KCNN2: variants seen among roughly 807,000 people sequenced by gnomAD.
KCNN2 encodes the protein potassium calcium-activated channel subfamily N member 2.
Under a neutral mutation model 55.5 loss-of-function variants are expected in KCNN2, and 24 were observed. The observed-to-expected ratio is 0.43, with a 90% CI of 0.31 to 0.61. The LOEUF (loss-of-function observed/expected upper bound fraction) is 0.61. KCNN2 is among the 20% of genes least tolerant of loss of function. KCNN2 has a pLI of 0.08. For missense variants in KCNN2, 754 were observed against 853.6 expected, an observed-to-expected ratio of 0.88 and a Z score of 1.45; for synonymous variants, 431 against 336.1, an observed-to-expected ratio of 1.28 and a Z score of -3.09.
intron 2 of KCNN2, among the ~76,000 whole-genome samples, chr5:114,243,576 TATTTAAGTTAATA>T (rs1754687948): frequency 6.6e-6 from 1 of 152,198 alleles, no homozygotes; most frequent in African/African-American, 2.4e-5. Context: ...AAGTCAACTT[TATTTAAGTTAATA>T]ATGGCCCCAA....
chr5:114,295,666 C>A (rs1485371935), intron 2 of KCNN2, among the ~76,000 whole-genome samples: 2 of 152,128 alleles, frequency 1.3e-5, no homozygotes, highest in Non-Finnish European at 2.9e-5. Context: ...TGAGGCAATG[C>A]CTCACCCTGC....
intron 2 of KCNN2, among the ~76,000 whole-genome samples, chr5:114,315,423 G>C (rs1194267614): frequency 6.1e-5 from 4 of 65,366 alleles, no homozygotes; most frequent in Non-Finnish European, 1.2e-4. Flanking sequence ...GGCAGAAACT[G>C]TGTGTGTGTG....
upstream of KCNN2, among the ~76,000 whole-genome samples, chr5:114,361,808 C>T (rs533688948): frequency 6.6e-5 from 10 of 152,194 alleles, no homozygotes; most frequent in Non-Finnish European, 1.3e-4. Flanking sequence ...CTCTCCATCT[C>T]CACGCAATCA....
At chr5:114,494,538 T>C (rs1748019040) in intron 7 of KCNN2, among the ~76,000 whole-genome samples, 1 of 151,790 alleles carries the variant, frequency 6.6e-6, no homozygotes, top group South Asian at 2.1e-4. Context: ...CTTGGACATA[T>C]GAAAAAAAGA....
Position 114,202,567 on chromosome 5 carries a change from G to GTATA in KCNN2, c.-270-18897_-270-18894dup, listed in dbSNP as rs1314767935. On this transcript the variant is annotated intron_variant, in intron 1 of 10. Coordinates refer to the KCNN2 transcript ENST00000512097. Reference sequence around the variant, plus strand: ...ATACATGCCTAATATATATGTGTGTGTATATATATATATATATATTTTTTT... The same window carrying GTATA: ...ATACATGCCTAATATATATGTGTGTGTATATATATATATATATATATATTTTTTT... 6.2e-4 allele frequency among the ~76,000 whole-genome samples: 58 copies of GTATA among 93,656 alleles called. 1 individual carries two copies. The highest frequency in any genetic ancestry group is 2.0e-3 in the African/African-American group (50 of 25,536). 61.4% of individuals were successfully genotyped at this position (93,656 alleles called of 152,430 possible). A position where few individuals can be genotyped will look rare whatever the true frequency, so the allele number is the denominator to read the frequency against.
At chr5:114,307,955 G>A (rs1756317378) in intron 2 of KCNN2, among the ~76,000 whole-genome samples, 1 of 151,866 alleles carries the variant, frequency 6.6e-6, no homozygotes. Flanking sequence ...AAATCCTCAT[G>A]ATCCACTCCT....
At chr5:114,390,091 T>C (rs1165717573) in intron 2 of KCNN2, among the ~76,000 whole-genome samples, 1 of 152,184 alleles carries the variant, frequency 6.6e-6, no homozygotes, top group Non-Finnish European at 1.5e-5. Flanking sequence ...TTTTAAGTGC[T>C]TAAAATAACT....
intron 1 of KCNN2, among the ~76,000 whole-genome samples, chr5:114,175,828 C>G (rs887057614): frequency 6.6e-6 from 1 of 151,988 alleles, no homozygotes; most frequent in African/African-American, 2.4e-5. Context: ...GCCATTTTGC[C>G]AGAGTTATTG....
intron 2 of KCNN2, among the ~76,000 whole-genome samples, chr5:114,264,206 C>T (rs918801511): frequency 6.6e-6 from 1 of 152,082 alleles, no homozygotes; most frequent in Admixed American, 6.5e-5. Flanking sequence ...ATTTCTATGA[C>T]TCTGTATGCA....
intron 3 of KCNN2, among the ~76,000 whole-genome samples, chr5:114,452,844 T>C (rs957928314): frequency 6.6e-6 from 1 of 152,214 alleles, no homozygotes; most frequent in Non-Finnish European, 1.5e-5. Flanking sequence ...TAAGCTCTTT[T>C]CCTTTTGAAC....
At chr5:114,348,326 G>A (rs1157271247) in intron 2 of KCNN2, among the ~76,000 whole-genome samples, 1 of 151,470 alleles carries the variant, frequency 6.6e-6, no homozygotes, top group African/African-American at 2.4e-5. Flanking sequence ...AATGCTAAAT[G>A]ACGAGTTAAT....
chr5:114,234,367 G>A (rs530169123), intron 2 of KCNN2, among the ~76,000 whole-genome samples: 13 of 152,162 alleles, frequency 8.5e-5, no homozygotes, highest in Non-Finnish European at 1.6e-4. Context: ...CTTCTCAGAT[G>A]CAGGTTGGAC....
chr5:114,300,336 C>T (rs903823609), intron 2 of KCNN2, among the ~76,000 whole-genome samples: 1 of 152,058 alleles, frequency 6.6e-6, no homozygotes, highest in Non-Finnish European at 1.5e-5. Context: ...CTGTTTTTTT[C>T]TTTCCAGGGA....
intron 1 of KCNN2, among the ~76,000 whole-genome samples, chr5:114,085,165 T>C (rs1347168174): frequency 6.6e-6 from 1 of 151,990 alleles, no homozygotes; most frequent in Non-Finnish European, 1.5e-5. Context: ...TTACACTTTC[T>C]TCTTCGTTTT....
chr5:114,062,076 T>C lies in KCNN2; in HGVS notation c.-271+5576T>C, dbSNP rs183628902. Among the ~76,000 whole-genome samples, 65 of 152,188 alleles carry C rather than the reference T, an allele frequency of 4.3e-4. 1 individual carries two copies. The East Asian group carries it at 0.012, about 29-fold the overall frequency. ...ATCATTGATTAAAATTTGCTTATGG[T>C]TATTTATTTAAGATATATGGGTTCT... is the stretch of plus-strand genomic sequence containing the variant. On this transcript the variant is annotated intron_variant, in intron 1 of 10. Coordinates refer to the KCNN2 transcript ENST00000512097.
In KCNN2 at chr5:114,378,435, T is replaced by C. The variant is rs1165562508; in HGVS notation, c.1218+14434T>C. Among the ~76,000 whole-genome samples, 6 of 152,300 alleles carry C rather than the reference T, an allele frequency of 3.9e-5. No homozygotes were observed. The East Asian group carries it at 1.2e-3, about 29-fold the overall frequency. The stretch of plus-strand genomic sequence containing the variant: ...TTGCATCAAAAGCTGTTTTATTCGC[T>C]CTGATTTTTACTAAGGAAAGTGTGT... On this transcript the variant is annotated intron_variant, in intron 2 of 7. Transcript: ENST00000673685.
chr5:114,221,603 C>G (rs749430927), intron 2 of KCNN2, among the ~76,000 whole-genome samples: 2 of 152,004 alleles, frequency 1.3e-5, no homozygotes, highest in Non-Finnish European at 2.9e-5. Context: ...ACATTTAGTT[C>G]TAATATAAAT....
At chr5:114,328,643 C>T in intron 2 of KCNN2, among the ~76,000 whole-genome samples, 1 of 152,144 alleles carries the variant, frequency 6.6e-6, no homozygotes. Flanking sequence ...AGTGCCTGGT[C>T]ACCTTGAGGC....
chr5:114,128,381 A>G (rs913674643), intron 1 of KCNN2, among the ~76,000 whole-genome samples: 1 of 152,184 alleles, frequency 6.6e-6, no homozygotes, highest in Non-Finnish European at 1.5e-5. Context: ...GCCCCTTACA[A>G]AATAATCAGA....
Sources: gnomAD v4.1 joint callset for allele counts (sites outside exome capture counted in the v4.1 genomes callset) on GRCh38, gnomAD v4.1.1 for gene constraint, MANE v1.5 for transcripts, NCBI Gene and HGNC (gene_info 2026-07-23, HGNC 2026-07-21) for gene names.